The following AGBL4 variants were observed in gnomAD, a reference collection of about 807,000 sequenced individuals.
AGBL4 encodes AGBL carboxypeptidase 4.
A neutral mutation model predicts 66.4 loss-of-function variants in AGBL4; 58 were observed. The observed-to-expected ratio is 0.87, with a 90% CI of 0.71 to 1.09. The LOEUF (loss-of-function observed/expected upper bound fraction) is 1.09. AGBL4 is among the 50% of genes least tolerant of loss of function. The pLI, the probability that AGBL4 is intolerant of heterozygous loss-of-function variation, is 0.00. For missense variants in AGBL4, 579 were observed against 631.0 expected, an observed-to-expected ratio of 0.92 and a Z score of 0.88; for synonymous variants, 234 against 222.9, an observed-to-expected ratio of 1.05 and a Z score of -0.44.
intron 4 of AGBL4, among the ~76,000 whole-genome samples, chr1:49,074,389 T>C (rs1381993491): frequency 3.3e-5 from 5 of 152,164 alleles, no homozygotes. Flanking sequence ...TCACCCTCCA[T>C]GGGCTGCATC....
chr1:49,048,214 G>T (rs1212335753), intron 4 of AGBL4: 1 of 152,114 alleles, frequency 6.6e-6, no homozygotes, highest in Non-Finnish European at 1.5e-5. Context: ...TAAGGTCTCA[G>T]ATTATGATGC....
chr1:48,682,736 T>C (rs1646474372), intron 6 of AGBL4, among the ~76,000 whole-genome samples: 1 of 152,162 alleles, frequency 6.6e-6, no homozygotes, highest in Admixed American at 6.6e-5. Context: ...AGGTATGGCC[T>C]GGTATACAAT....
intron 3 of AGBL4, among the ~76,000 whole-genome samples, chr1:49,540,972 A>C (rs1651965554): frequency 6.6e-6 from 1 of 152,186 alleles, no homozygotes; most frequent in African/African-American, 2.4e-5. Flanking sequence ...ATAGGCTTGG[A>C]GAAATCACCA....
intron 4 of AGBL4, among the ~76,000 whole-genome samples, chr1:49,131,778 A>C (rs1455165998): frequency 6.6e-6 from 1 of 152,138 alleles, no homozygotes; most frequent in African/African-American, 2.4e-5. Context: ...ATAATGTTCT[A>C]ATTTCTGCCC....
At chr1:48,982,327 C>T (rs1346161556) in intron 5 of AGBL4, among the ~76,000 whole-genome samples, 2 of 152,124 alleles carry the variant, frequency 1.3e-5, no homozygotes, top group African/African-American at 4.8e-5. Context: ...GGTATATCTC[C>T]CAGTGCTATC....
At chr1:49,497,587 C>G (rs1647723182) in intron 3 of AGBL4, among the ~76,000 whole-genome samples, 1 of 151,916 alleles carries the variant, frequency 6.6e-6, no homozygotes, top group Non-Finnish European at 1.5e-5. Flanking sequence ...AGTCTATTTT[C>G]ATTCTTCTAT....
intron 3 of AGBL4, among the ~76,000 whole-genome samples, chr1:49,619,893 G>C (rs1645324425): frequency 6.6e-6 from 1 of 152,088 alleles, no homozygotes; most frequent in Non-Finnish European, 1.5e-5. Context: ...TTTAATAAAT[G>C]GTTTTGGGAA....
At chr1:49,811,851 G>A (rs189023596) in intron 2 of AGBL4, among the ~76,000 whole-genome samples, 6 of 152,182 alleles carry the variant, frequency 3.9e-5, no homozygotes, top group Non-Finnish European at 7.4e-5. Context: ...TCCACAAAAC[G>A]TAAATACTTC....
At chr1:49,128,919 T>C (rs1290123508) in intron 4 of AGBL4, among the ~76,000 whole-genome samples, 1 of 151,568 alleles carries the variant, frequency 6.6e-6, no homozygotes, top group East Asian at 1.9e-4. Context: ...ATTCAGAAAA[T>C]GCAAAATAAA....
intron 1 of AGBL4, among the ~76,000 whole-genome samples, chr1:49,992,737 T>A (rs772292612): frequency 9.2e-5 from 14 of 152,096 alleles, no homozygotes; most frequent in Non-Finnish European, 1.8e-4. Flanking sequence ...TTTGTATCCA[T>A]CCAATTGCTC....
chr1:48,617,866 G>A (rs972249648), intron 9 of AGBL4, among the ~76,000 whole-genome samples: 3 of 152,160 alleles, frequency 2.0e-5, no homozygotes, highest in South Asian at 2.1e-4. Context: ...GAGGGGACCC[G>A]AGTCCAGGTG....
At chr1:49,648,678 GA>G (rs1402127952) in intron 3 of AGBL4, among the ~76,000 whole-genome samples, 1 of 151,726 alleles carries the variant, frequency 6.6e-6, no homozygotes. Context: ...CTTCTCTCCA[GA>G]AACTATGCAA....
intron 4 of AGBL4, among the ~76,000 whole-genome samples, chr1:49,234,126 A>G (rs1423427966): frequency 4.6e-5 from 7 of 152,210 alleles, no homozygotes; most frequent in Non-Finnish European, 2.9e-5. Context: ...ATGTGGAAGA[A>G]ATCAACTTGT....
chr1:48,670,760 C>T (rs1190127091), intron 6 of AGBL4, among the ~76,000 whole-genome samples: 2 of 152,228 alleles, frequency 1.3e-5, no homozygotes, highest in Non-Finnish European at 2.9e-5. Context: ...TTGATCCCAG[C>T]ACCCTACAAA....
At chr1:49,961,416 A>G (rs1657111170) in intron 1 of AGBL4, among the ~76,000 whole-genome samples, 1 of 151,946 alleles carries the variant, frequency 6.6e-6, no homozygotes, top group African/African-American at 2.4e-5. Flanking sequence ...GAGGGGAGAC[A>G]TCACTTTGAG....
chr1:48,827,855 G>C (rs1309237267), intron 6 of AGBL4, among the ~76,000 whole-genome samples: 2 of 152,040 alleles, frequency 1.3e-5, no homozygotes, highest in Non-Finnish European at 2.9e-5. Context: ...TGCATTGCTA[G>C]TAAGTATTGA....
At chr1:49,706,983 A>G (rs1207955026) in intron 2 of AGBL4, among the ~76,000 whole-genome samples, 1 of 152,166 alleles carries the variant, frequency 6.6e-6, no homozygotes, top group African/African-American at 2.4e-5. Context: ...CAATTCTAGA[A>G]TAACTGTTAT....
At chr1:49,127,454 T>A (rs1014509280) in intron 4 of AGBL4, among the ~76,000 whole-genome samples, 2 of 152,026 alleles carry the variant, frequency 1.3e-5, no homozygotes, top group Non-Finnish European at 2.9e-5. Flanking sequence ...GAAGAAGATA[T>A]ATAAATGGCC....
intron 6 of AGBL4, among the ~76,000 whole-genome samples, chr1:48,799,609 C>A (rs547060539): frequency 7.2e-5 from 11 of 152,228 alleles, no homozygotes; most frequent in African/African-American, 2.6e-4. Flanking sequence ...TTTCCCTGTT[C>A]AGTATAAATG....
Sources: allele counts gnomAD v4.1 joint callset (sites outside exome capture counted in the v4.1 genomes callset), GRCh38; gene constraint gnomAD v4.1.1; transcripts MANE v1.5; gene names NCBI Gene and HGNC (gene_info 2026-07-23, HGNC 2026-07-21).